The following FAT3 variants were observed in gnomAD, a reference collection of about 807,000 sequenced individuals.
The protein encoded by FAT3 is protocadherin Fat 3.
FAT3 carries 95 observed loss-of-function variants against 310.2 expected under a neutral mutation model. That is an observed-to-expected ratio of 0.31 (90% CI 0.26 to 0.36). The LOEUF (loss-of-function observed/expected upper bound fraction) is 0.36. Ranked by LOEUF, FAT3 falls within the 10% of genes least tolerant of loss-of-function variation. The pLI, the probability that FAT3 is intolerant of heterozygous loss-of-function variation, is 1.00. For missense variants in FAT3, 5,408 were observed against 5,715.6 expected (o/e 0.95, Z 1.74); for synonymous variants, 2,314 against 2,192.9 (o/e 1.06, Z -1.54).
intron 2 of FAT3, among the ~76,000 whole-genome samples, chr11:92,409,261 C>CGT (rs36122158): frequency 2.7e-4 from 40 of 150,002 alleles, no homozygotes; most frequent in Admixed American, 6.0e-4. Flanking sequence ...GTGTGTGTGT[C>CGT]GTGTGTGTGT....
At chr11:92,433,998 A>G (rs958797411) in intron 2 of FAT3, among the ~76,000 whole-genome samples, 6 of 143,128 alleles carry the variant, frequency 4.2e-5, no homozygotes, top group Non-Finnish European at 7.7e-5. Context: ...CCTGGGCGAC[A>G]GAGGGAGACT....
chr11:92,284,595 T>G (rs2134374793), intron 1 of FAT3, among the ~76,000 whole-genome samples: 1 of 152,216 alleles, frequency 6.6e-6, no homozygotes, highest in African/African-American at 2.4e-5. Context: ...ACCCTCAGGT[T>G]CTTGCATGTT....
Position 92,844,660 on chromosome 11 carries a change from A to T in FAT3, c.11293A>T (p.Met3765Leu). ...QGLSLDSHAL[M>L]TYSTARISFV... is the part of the protein sequence containing the mutation. The stretch of plus-strand genomic sequence containing the variant: ...CTTGTCACTCGATTCCCACGCGCTC[A>T]TGACCTACAGCACGGCTCGCATCAG... The change falls in exon 19 of 28, where the codon ATG (methionine) becomes TTG (leucine). Residue 3765 changes from methionine to leucine, a missense_variant. This residue lies in a region of FAT3 where 4,588 missense variants were observed against 4,809.8 expected (regional missense o/e 0.95). Coordinates refer to ENST00000525166, the MANE Select transcript of FAT3 (RefSeq NM_001367949.2). 6.2e-7 allele frequency: 1 copy of T among 1,607,360 alleles called. No homozygotes were observed. Among genetic ancestry groups the T allele is most frequent in the Non-Finnish European group, 8.5e-7 (1 of 1,176,450 alleles).
intron 2 of FAT3, among the ~76,000 whole-genome samples, chr11:92,448,390 G>A (rs971950724): frequency 2.0e-5 from 3 of 152,062 alleles, no homozygotes; most frequent in Non-Finnish European, 4.4e-5. Context: ...GCAGACAAAT[G>A]TATGGCATTA....
intron 1 of FAT3, among the ~76,000 whole-genome samples, chr11:92,325,065 C>T (rs1947729192): frequency 6.6e-6 from 1 of 152,204 alleles, no homozygotes; most frequent in Non-Finnish European, 1.5e-5. Context: ...GGGGAGATAT[C>T]TCTGGAATCT....
In FAT3 at chr11:92,225,002, C is replaced by G. The variant is rs2134209392; in HGVS notation, c.-190C>G. Among the ~76,000 whole-genome samples, 1 of 152,162 alleles carries G rather than the reference C, an allele frequency of 6.6e-6. No homozygotes were observed. The highest frequency in any genetic ancestry group is 6.5e-5 in the Admixed American group (1 of 15,302). Reference sequence around the variant, plus strand: ...CCCCCGGCGGCGGCGGCGGCGGCGTCCCGAGCGCAGAGCGCTTCTGCTCGC... The same window carrying G: ...CCCCCGGCGGCGGCGGCGGCGGCGTGCCGAGCGCAGAGCGCTTCTGCTCGC... On this transcript the variant is annotated 5_prime_UTR_variant, in exon 1 of 28. Coordinates refer to ENST00000525166, the MANE Select transcript of FAT3 (RefSeq NM_001367949.2).
chr11:92,304,469 G>A (rs1947072090), intron 1 of FAT3, among the ~76,000 whole-genome samples: 1 of 152,008 alleles, frequency 6.6e-6, no homozygotes, highest in African/African-American at 2.4e-5. Context: ...CATCTCCTCT[G>A]GAATGAATAC....
intron 2 of FAT3, among the ~76,000 whole-genome samples, chr11:92,434,482 G>C (rs539034947): frequency 6.6e-6 from 1 of 152,280 alleles, no homozygotes; most frequent in South Asian, 2.1e-4. Context: ...CCTCACCCCT[G>C]AGAGGTGTCA....
At chr11:92,683,921 A>G (rs1427545895) in intron 3 of FAT3, among the ~76,000 whole-genome samples, 1 of 152,232 alleles carries the variant, frequency 6.6e-6, no homozygotes, top group African/African-American at 2.4e-5. Context: ...AAAATTAAAT[A>G]ATCTTGTTGA....
chr11:92,712,955 A>T (rs1443838321), intron 4 of FAT3, among the ~76,000 whole-genome samples: 1 of 152,260 alleles, frequency 6.6e-6, no homozygotes, highest in Non-Finnish European at 1.5e-5. Flanking sequence ...GGAGATGTGT[A>T]CATTTCCAAA....
chr11:92,660,105 C>A (rs1271794444), intron 3 of FAT3, among the ~76,000 whole-genome samples: 1 of 150,516 alleles, frequency 6.6e-6, no homozygotes, highest in East Asian at 1.9e-4. Context: ...TTTTTTTTTT[C>A]TTAAGCTAGT....
chr11:92,264,566 G>C (rs930491509), intron 1 of FAT3, among the ~76,000 whole-genome samples: 3 of 152,106 alleles, frequency 2.0e-5, no homozygotes, highest in African/African-American at 7.2e-5. Flanking sequence ...TTAAACTGTG[G>C]GGGAATCTAG....
At chr11:92,709,253 G>C (rs1459286313) in intron 4 of FAT3, among the ~76,000 whole-genome samples, 2 of 152,140 alleles carry the variant, frequency 1.3e-5, no homozygotes, top group Non-Finnish European at 2.9e-5. Flanking sequence ...ACATCTAATG[G>C]GAATTTTTTT....
chr11:92,227,229 A>T (rs576058528), intron 1 of FAT3, among the ~76,000 whole-genome samples: 2 of 151,966 alleles, frequency 1.3e-5, no homozygotes, highest in Non-Finnish European at 1.5e-5. Flanking sequence ...CGGACATATT[A>T]ATTTTCTGGC....
rs148803629 is a variant in FAT3 at position 92,856,755 on chromosome 11, C to T, written c.11366-459C>T. ...CTTTAGAAATGTCTTTTTTTTTTCC[C>T]CTCTGAAATCAACCTCCAAGTTCTT... On this transcript the variant is annotated intron_variant, in intron 19 of 27. Transcript: ENST00000525166. 4.8e-3 allele frequency among the ~76,000 whole-genome samples: 728 copies of T among 151,088 alleles called. 9 individuals carry two copies. The highest frequency in any genetic ancestry group is 0.016 in the African/African-American group (666 of 41,218).
intron 3 of FAT3, among the ~76,000 whole-genome samples, chr11:92,626,786 G>A (rs1055772076): frequency 6.6e-6 from 1 of 152,118 alleles, no homozygotes; most frequent in African/African-American, 2.4e-5. Context: ...GGGCTGTCAG[G>A]GCAGATATCC....
chr11:92,886,136 C>A (rs1949791603), intron 24 of FAT3, among the ~76,000 whole-genome samples: 1 of 152,206 alleles, frequency 6.6e-6, no homozygotes, highest in African/African-American at 2.4e-5. Context: ...CAGAATTCAC[C>A]TCAGGCCAAA....
At chr11:92,268,772 T>C (rs1946036938) in intron 1 of FAT3, among the ~76,000 whole-genome samples, 1 of 152,196 alleles carries the variant, frequency 6.6e-6, no homozygotes, top group African/African-American at 2.4e-5. Flanking sequence ...TCAGAAAACT[T>C]CTGATTGGCA....
In FAT3 at chr11:92,226,177, G is replaced by T. The variant is rs190535965; in HGVS notation, c.-18+1003G>T. On this transcript the variant is annotated intron_variant, in intron 1 of 27. Coordinates refer to ENST00000525166, the MANE Select transcript of FAT3 (RefSeq NM_001367949.2). ...ACCATCTTGGCGCGGCGCGCGGTGAGCGCGAGGATTCCGCCAGTGGGAGTC... is the reference window on the plus strand; with the variant it reads ...ACCATCTTGGCGCGGCGCGCGGTGATCGCGAGGATTCCGCCAGTGGGAGTC... Among the ~76,000 whole-genome samples, 367 of 152,190 alleles carry T rather than the reference G, an allele frequency of 2.4e-3. 5 individuals are homozygous for T. Among genetic ancestry groups the T allele is most frequent in the Non-Finnish European group, 3.9e-3 (262 of 68,000 alleles).
Sources: gnomAD v4.1 joint callset for allele counts (sites outside exome capture counted in the v4.1 genomes callset) on GRCh38, gnomAD v4.1.1 for gene constraint, gnomAD v4.1.1 regional missense constraint, MANE v1.5 for transcripts, NCBI Gene and HGNC (gene_info 2026-07-23, HGNC 2026-07-21) for gene names.